Variants in CAMTA1 observed in about 807,000 individuals in gnomAD.
CAMTA1 encodes the protein calmodulin-binding transcription activator 1.
In CAMTA1, 27 loss-of-function variants were observed where a neutral mutation model predicts 170.9. The ratio of observed to expected loss-of-function variants is 0.16; its 90% CI spans 0.12 to 0.22. CAMTA1 has a LOEUF of 0.22. Ranked by LOEUF, CAMTA1 falls within the 10% of genes least tolerant of loss-of-function variation. The pLI, the probability that CAMTA1 is intolerant of heterozygous loss-of-function variation, is 1.00. For synonymous variants in CAMTA1, 833 were observed against 891.5 expected, an observed-to-expected ratio of 0.93 and a Z score of 1.17; for missense variants, 1,619 against 2,217.2, an observed-to-expected ratio of 0.73 and a Z score of 5.42.
intron 4 of CAMTA1, among the ~76,000 whole-genome samples, chr1:7,204,830 C>CTTTTTTTTTTTTTTTTTTTTTTTTT (rs367812076): frequency 2.3e-5 from 2 of 86,806 alleles, no homozygotes; most frequent in Non-Finnish European, 4.3e-5. Context: ...TTCTTTTTTT[C>CTTTTTTTTTTTTTTTTTTTTTTTTT]TTTTTTTTTT....
chr1:7,525,200 G>T (rs2094416952), intron 6 of CAMTA1, among the ~76,000 whole-genome samples: 1 of 152,088 alleles, frequency 6.6e-6, no homozygotes, highest in African/African-American at 2.4e-5. Context: ...GTGTATCCCA[G>T]ACAGCCCCCA....
intron 5 of CAMTA1, among the ~76,000 whole-genome samples, chr1:7,284,455 G>A (rs540591209): frequency 6.6e-6 from 1 of 152,108 alleles, no homozygotes; most frequent in African/African-American, 2.4e-5. Flanking sequence ...GCCCGCCTTG[G>A]CCTCCCAAAG....
intron 5 of CAMTA1, among the ~76,000 whole-genome samples, chr1:7,405,103 G>A (rs886228855): frequency 1.3e-5 from 2 of 152,042 alleles, no homozygotes; most frequent in Non-Finnish European, 2.9e-5. Context: ...GTCTCTGTGG[G>A]CTAAGAGGTC....
chr1:6,939,651 G>C (rs1686075952), intron 3 of CAMTA1, among the ~76,000 whole-genome samples: 2 of 151,534 alleles, frequency 1.3e-5, no homozygotes, highest in African/African-American at 4.8e-5. Context: ...ACCTTCTGCT[G>C]TCTGGACCCT....
At chr1:7,246,877 A>G (rs985702499) in intron 4 of CAMTA1, among the ~76,000 whole-genome samples, 1 of 152,030 alleles carries the variant, frequency 6.6e-6, no homozygotes, top group Non-Finnish European at 1.5e-5. Flanking sequence ...CATGTTGGCC[A>G]GGCTGGTTCC....
chr1:6,878,011 G>A (rs188150001), intron 3 of CAMTA1, among the ~76,000 whole-genome samples: 50 of 152,326 alleles, frequency 3.3e-4, no homozygotes, highest in African/African-American at 1.2e-3. Flanking sequence ...TTAGGAACAG[G>A]AGCTGATAGA....
At chr1:7,140,455 A>C (rs966920517) in intron 4 of CAMTA1, among the ~76,000 whole-genome samples, 1 of 152,130 alleles carries the variant, frequency 6.6e-6, no homozygotes, top group African/African-American at 2.4e-5. Context: ...GGTCAACTCC[A>C]GCTCTCTCAC....
chr1:7,486,161 C>T (rs574832225), intron 6 of CAMTA1, among the ~76,000 whole-genome samples: 8 of 152,292 alleles, frequency 5.3e-5, no homozygotes, highest in African/African-American at 9.6e-5. Flanking sequence ...GCCAGATTTT[C>T]GTAGGTGTTC....
chr1:7,597,465 G>C (rs182294832), intron 6 of CAMTA1, among the ~76,000 whole-genome samples: 3 of 152,262 alleles, frequency 2.0e-5, no homozygotes, highest in South Asian at 4.1e-4. Context: ...CCTGAACTTC[G>C]CAACCCCTGA....
At chr1:6,799,564 C>G (rs1247555820) in intron 1 of CAMTA1, among the ~76,000 whole-genome samples, 1 of 152,214 alleles carries the variant, frequency 6.6e-6, no homozygotes, top group Non-Finnish European at 1.5e-5. Flanking sequence ...TTTTCCTCAT[C>G]TTGCTTTTCT....
At chr1:6,988,654 T>C (rs1695784347) in intron 3 of CAMTA1, among the ~76,000 whole-genome samples, 1 of 151,220 alleles carries the variant, frequency 6.6e-6, no homozygotes, top group Admixed American at 6.6e-5. Flanking sequence ...TCAGGTTGCT[T>C]TGTCGGAAAT....
rs553107716 is a variant in CAMTA1, at chr1:6,898,046, C to T, written c.234+72836C>T. On this transcript the variant is annotated intron_variant, in intron 3 of 22. Transcript: ENST00000303635. The stretch of plus-strand genomic sequence containing the variant: ...TACGAATCCAAAGTTGTTTACCCTA[C>T]GAAAGTTGAGATTCCAGTTCATTTG... 7.9e-5 allele frequency among the ~76,000 whole-genome samples: 12 copies of T among 152,290 alleles called. No homozygotes were observed. In the South Asian group the frequency reaches 1.0e-3, roughly 13 times the overall value.
At chr1:7,763,079 C>G (rs1400503626) in intron 22 of CAMTA1, among the ~76,000 whole-genome samples, 3 of 152,194 alleles carry the variant, frequency 2.0e-5, no homozygotes, top group South Asian at 2.1e-4. Context: ...ATTCCCTGTT[C>G]TGCCATTTAT....
intron 3 of CAMTA1, among the ~76,000 whole-genome samples, chr1:6,995,561 C>T (rs1266084747): frequency 6.6e-6 from 1 of 152,060 alleles, no homozygotes; most frequent in Non-Finnish European, 1.5e-5. Flanking sequence ...CTTGGCCTCC[C>T]AAAGTGCTGG....
chr1:6,958,901 G>A (rs1209714781), intron 3 of CAMTA1, among the ~76,000 whole-genome samples: 2 of 152,100 alleles, frequency 1.3e-5, no homozygotes, highest in South Asian at 2.1e-4. Flanking sequence ...AAAAATGCTC[G>A]TGGCAGGCTT....
chr1:7,394,828 TG>T, intron 5 of CAMTA1, among the ~76,000 whole-genome samples: 1 of 151,310 alleles, frequency 6.6e-6, no homozygotes, highest in Admixed American at 6.6e-5. Flanking sequence ...TGTGTGTGTG[TG>T]TGTGTGTGTG....
intron 3 of CAMTA1, among the ~76,000 whole-genome samples, chr1:6,912,671 C>T (rs550955579): frequency 2.6e-5 from 4 of 152,350 alleles, no homozygotes; most frequent in African/African-American, 4.8e-5. Flanking sequence ...GTCCTCCAGG[C>T]GGATGCCTGC....
chr1:7,511,266 G>A (rs17031036), intron 6 of CAMTA1, among the ~76,000 whole-genome samples: 37,473 of 144,496 alleles, frequency 0.26, 8,204 homozygotes, highest in Non-Finnish European at 0.3. Context: ...AAAGCCTTGA[G>A]TTCACATCCT....
intron 1 of CAMTA1, chr1:6,806,919 T>C (rs1201907227): frequency 2.3e-6 from 1 of 427,228 alleles, no homozygotes; most frequent in Non-Finnish European, 4.2e-6. Context: ...TGAACATTGG[T>C]TATTGTTATA....
Sources: gnomAD v4.1 joint callset for allele counts (sites outside exome capture counted in the v4.1 genomes callset) on GRCh38, gnomAD v4.1.1 for gene constraint, MANE v1.5 for transcripts, NCBI Gene and HGNC (gene_info 2026-07-23, HGNC 2026-07-21) for gene names.